The following FHIT variants were observed in gnomAD, a reference collection of about 807,000 sequenced individuals.
FHIT encodes bis(5'-adenosyl)-triphosphatase.
Under a neutral mutation model 17.9 loss-of-function variants are expected in FHIT, and 19 were observed. That is an observed-to-expected ratio of 1.06 (90% CI 0.74 to 1.56). FHIT has a LOEUF of 1.56. Among genes scored for constraint, FHIT ranks in the 40% most tolerant of loss-of-function variants. FHIT has a pLI of 0.00. For missense variants in FHIT, 248 were observed against 189.2 expected, an observed-to-expected ratio of 1.31 and a Z score of -1.82; for synonymous variants, 81 against 69.7, an observed-to-expected ratio of 1.16 and a Z score of -0.81.
At chr3:60,824,107 G>A (rs1702033090) in intron 3 of FHIT, among the ~76,000 whole-genome samples, 1 of 152,184 alleles carries the variant, frequency 6.6e-6, no homozygotes, top group Non-Finnish European at 1.5e-5. Context: ...CTGAGCAGAG[G>A]TGAACCAAGA....
intron 8 of FHIT, among the ~76,000 whole-genome samples, chr3:59,794,476 G>T (rs527495524): frequency 6.6e-6 from 1 of 152,272 alleles, no homozygotes; most frequent in Admixed American, 6.5e-5. Context: ...AAATTCAAGA[G>T]ATCACTCATT....
At chr3:60,186,807 T>A (rs572551183) in intron 5 of FHIT, among the ~76,000 whole-genome samples, 1 of 139,996 alleles carries the variant, frequency 7.1e-6, no homozygotes, top group African/African-American at 2.5e-5. Flanking sequence ...GATGTTTTTA[T>A]TGTATTTGTT....
intron 5 of FHIT, among the ~76,000 whole-genome samples, chr3:60,048,771 G>A (rs1236639677): frequency 6.6e-6 from 1 of 152,142 alleles, no homozygotes; most frequent in Admixed American, 6.5e-5. Flanking sequence ...AACGTCCTTT[G>A]ATCTTTTTCA....
chr3:60,133,456 C>T (rs375973759), intron 5 of FHIT, among the ~76,000 whole-genome samples: 7 of 152,166 alleles, frequency 4.6e-5, no homozygotes, highest in Non-Finnish European at 1.0e-4. Context: ...TGCTTCTACT[C>T]TAGAGGGAGA....
chr3:60,062,281 G>C (rs956998511), intron 5 of FHIT, among the ~76,000 whole-genome samples: 1 of 152,150 alleles, frequency 6.6e-6, no homozygotes, highest in Non-Finnish European at 1.5e-5. Flanking sequence ...AACAATGAAT[G>C]AGAGTGGAAA....
intron 5 of FHIT, among the ~76,000 whole-genome samples, chr3:60,402,233 T>C (rs1380616829): frequency 1.3e-5 from 2 of 152,118 alleles, no homozygotes; most frequent in East Asian, 1.9e-4. Context: ...TCACTCACAG[T>C]TTTTCTTTTC....
rs541675873 is a variant in FHIT, at chr3:60,754,899, C to A, written c.-18+67020G>T. On this transcript the variant is annotated intron_variant, in intron 4 of 9. Coordinates refer to ENST00000492590, the MANE Select transcript of FHIT (RefSeq NM_002012.4). ...TGCTAACTATAACTTCTCCATTTTT[C>A]CTTCCTCTCAAGAAAGTATATTAGA... Among the ~76,000 whole-genome samples the A allele has an allele frequency of 5.9e-5, 9 of 152,246 alleles. No homozygotes were observed. The South Asian group carries it at 1.9e-3, about 32-fold the overall frequency.
rs770967086 is a variant in FHIT at position 60,410,332 on chromosome 3, G to A, written c.103+126528C>T. On this transcript the variant is annotated intron_variant, in intron 5 of 9. Transcript: ENST00000492590. ...CCGGAGTTAAGGGTACTAAAGAAAA[G>A]AAAGTCTATGTCTAAAGAGGAGAAA... Among the ~76,000 whole-genome samples, 37 of 152,142 alleles carry A rather than the reference G, an allele frequency of 2.4e-4. 1 individual carries two copies. The highest frequency in any genetic ancestry group is 7.9e-4 in the Admixed American group (12 of 15,276).
intron 4 of FHIT, among the ~76,000 whole-genome samples, chr3:60,648,692 A>C (rs1309268124): frequency 1.3e-5 from 2 of 152,200 alleles, no homozygotes; most frequent in African/African-American, 2.4e-5. Flanking sequence ...TTGTTCTGCA[A>C]AACTCTCCAG....
chr3:60,734,507 G>C (rs1173398871), intron 4 of FHIT, among the ~76,000 whole-genome samples: 2 of 152,084 alleles, frequency 1.3e-5, no homozygotes, highest in Non-Finnish European at 2.9e-5. Flanking sequence ...GGCTCAGAAG[G>C]TCCTCCCACC....
At chr3:59,954,226 T>TTTTG (rs1707277300) in intron 7 of FHIT, among the ~76,000 whole-genome samples, 2 of 150,450 alleles carry the variant, frequency 1.3e-5, no homozygotes, top group Non-Finnish European at 3.0e-5. Context: ...GTTCTGTTTT[T>TTTTG]TTTTCTTTTT....
chr3:60,625,362 T>C (rs1413536305), intron 4 of FHIT, among the ~76,000 whole-genome samples: 3 of 152,218 alleles, frequency 2.0e-5, no homozygotes, highest in African/African-American at 4.8e-5. Context: ...GGGGAAATGA[T>C]AGACTGTTTT....
intron 3 of FHIT, among the ~76,000 whole-genome samples, chr3:61,003,450 T>C (rs867648224): frequency 6.6e-6 from 1 of 152,204 alleles, no homozygotes; most frequent in Non-Finnish European, 1.5e-5. Context: ...ACTGAAACAT[T>C]AGTGATGAAA....
At chr3:60,580,640 G>A (rs980777770) in intron 4 of FHIT, among the ~76,000 whole-genome samples, 4 of 152,024 alleles carry the variant, frequency 2.6e-5, no homozygotes, top group Non-Finnish European at 5.9e-5. Flanking sequence ...ATAATGTACA[G>A]CATCACTGAA....
chr3:59,861,348 T>G (rs1374411386), intron 8 of FHIT, among the ~76,000 whole-genome samples: 1 of 152,146 alleles, frequency 6.6e-6, no homozygotes, highest in Non-Finnish European at 1.5e-5. Context: ...CTAATGTCAT[T>G]CTCTGAAGCT....
At chr3:61,208,399 A>G (rs2039329057) in intron 1 of FHIT, among the ~76,000 whole-genome samples, 1 of 152,034 alleles carries the variant, frequency 6.6e-6, no homozygotes. Context: ...TGATCTGCTA[A>G]TGTTGACAGT....
At chr3:60,121,423 T>C (rs956809871) in intron 5 of FHIT, among the ~76,000 whole-genome samples, 13 of 152,098 alleles carry the variant, frequency 8.5e-5, no homozygotes, top group African/African-American at 3.1e-4. Context: ...CAGTGGCTCA[T>C]CCCTGTAATC....
At chr3:60,617,338 A>T (rs2038980826) in intron 4 of FHIT, 1 of 198,116 alleles carries the variant, frequency 5.0e-6, no homozygotes, top group Non-Finnish European at 1.1e-5. Flanking sequence ...TCCTCTACTC[A>T]GCTGGATTTA....
chr3:59,945,165 C>CGTATAAG (rs1706737666), intron 7 of FHIT, among the ~76,000 whole-genome samples: 1 of 152,166 alleles, frequency 6.6e-6, no homozygotes, highest in African/African-American at 2.4e-5. Context: ...TCCCCTTCCT[C>CGTATAAG]CACAACCTCA....
Sources: allele counts gnomAD v4.1 joint callset (sites outside exome capture counted in the v4.1 genomes callset), GRCh38; gene constraint gnomAD v4.1.1; transcripts MANE v1.5; gene names NCBI Gene and HGNC (gene_info 2026-07-23, HGNC 2026-07-21).